The following CPT1C variants were observed in gnomAD, a reference collection of about 807,000 sequenced individuals.
CPT1C encodes the protein carnitine palmitoyltransferase 1C.
Under a neutral mutation model 97.3 loss-of-function variants are expected in CPT1C, and 61 were observed. The observed-to-expected ratio is 0.63, with a 90% CI of 0.51 to 0.78. The LOEUF (loss-of-function observed/expected upper bound fraction) is 0.78. Ranked by LOEUF, CPT1C falls within the 30% of genes least tolerant of loss-of-function variation. The pLI is 0.00. For synonymous variants in CPT1C, 469 were observed against 447.2 expected, an observed-to-expected ratio of 1.05 and a Z score of -0.61; for missense variants, 975 against 1,065.5, an observed-to-expected ratio of 0.92 and a Z score of 1.18.
intron 3 of CPT1C, 105 bp downstream of exon 3, chr19:49,692,498 T>A: frequency 7.2e-7 from 1 of 1,386,120 alleles, no homozygotes; most frequent in Non-Finnish European, 9.8e-7. Flanking sequence ...TCTGGGAGAC[T>A]ATCACCCCTT....
intron 10 of CPT1C, 79 bp from the exon 11 acceptor site, chr19:49,705,830 A>C (rs985509104): frequency 4.1e-5 from 54 of 1,312,064 alleles, no homozygotes; most frequent in Non-Finnish European, 4.7e-5. Flanking sequence ...GACGACACCT[A>C]AGAAGTATAT....
At chr19:49,695,459 A>G (rs935137969) in intron 3 of CPT1C, among the ~76,000 whole-genome samples, 3 of 150,294 alleles carry the variant, frequency 2.0e-5, no homozygotes, top group African/African-American at 7.3e-5. Flanking sequence ...AATTTTTTGT[A>G]TTTTTAGTAT....
rs747820587 is a variant in CPT1C at position 49,713,410 on chromosome 19, C to T, written c.2227-10C>T. The T allele has an allele frequency of 1.9e-6, 3 of 1,606,628 alleles. No individual in the cohort carries two copies. In the South Asian group the frequency reaches 3.3e-5, roughly 18 times the overall value. Reference sequence around the variant, plus strand: ...CAGCTTCCCCTGGCTCTGACCTGTTCTCCTTCCAGGATTCCCACAGGCTGG... The same window carrying T: ...CAGCTTCCCCTGGCTCTGACCTGTTTTCCTTCCAGGATTCCCACAGGCTGG... On this transcript the variant is annotated splice_polypyrimidine_tract_variant and intron_variant, in intron 19 of 19. Transcript: ENST00000598293.
In CPT1C at chr19:49,706,732, G is replaced by C. The variant is rs1440002859; in HGVS notation, c.1343+319G>C. Among the ~76,000 whole-genome samples, 1 of 151,892 alleles carries C rather than the reference G, an allele frequency of 6.6e-6. No homozygotes were observed. Among genetic ancestry groups the C allele is most frequent in the Admixed American group, 6.6e-5 (1 of 15,228 alleles). On this transcript the variant is annotated intron_variant, in intron 12 of 19. Transcript: ENST00000598293. This position sits in a 1 kb window ranked among gnomAD's most constrained non-coding sequence, Gnocchi z 4.8. The stretch of plus-strand genomic sequence containing the variant: ...CAGACCCAGAGACCCCAGATCTGAG[G>C]ACCACCAAACCCAGGACCCCTAGGC...
Position 49,704,801 on chromosome 19 carries a change from G to A in CPT1C, c.771+14G>A. 1 of 1,613,194 alleles carries A rather than the reference G, an allele frequency of 6.2e-7. No homozygotes were observed. Among genetic ancestry groups the A allele is most frequent in the South Asian group, 1.1e-5 (1 of 91,056 alleles). On this transcript the variant is annotated intron_variant, in intron 8 of 19. Coordinates refer to ENST00000598293, the MANE Select transcript of CPT1C (RefSeq NM_001199753.2). ...TATTACATGATGGTGAGAAGGGGAG[G>A]GGTGAGGTTCATAGGCCCCAGGTCT...
chr19:49,697,673 A>T (rs1387266146), intron 4 of CPT1C: 17 of 514,472 alleles, frequency 3.3e-5, no homozygotes, highest in Non-Finnish European at 4.7e-5. Flanking sequence ...GGGCATTGGG[A>T]GGCTGAGGTG....
Position 49,713,012 on chromosome 19 carries a change from G to A in CPT1C, c.2174G>A (p.Gly725Glu). 6.2e-7 allele frequency: 1 copy of A among 1,614,064 alleles called. No individual in the cohort carries two copies. Among genetic ancestry groups the A allele is most frequent in the Non-Finnish European group, 8.5e-7 (1 of 1,180,000 alleles). The change falls in exon 19 of 20, where the codon GGG (glycine) becomes GAG (glutamate). Residue 725 changes from glycine (G) to glutamate (E), a missense_variant. Around this residue, in one of 3 missense-constraint regions of CPT1C, gnomAD observed 344 missense variants for 395.7 expected, o/e 0.87. Coordinates refer to ENST00000598293, the MANE Select transcript of CPT1C (RefSeq NM_001199753.2). ...TATGGTGTTTCTTATATCTTCATGGGGGATGGCATGATCACCTTCCACATC... is the reference window on the plus strand; with the variant it reads ...TATGGTGTTTCTTATATCTTCATGGAGGATGGCATGATCACCTTCCACATC... ...HGYGVSYIFM[G>E]DGMITFHISS... is the part of the protein sequence containing the mutation.
rs1295704613 is a variant in CPT1C, at chr19:49,710,749, T to C, written c.1758T>C (p.Tyr586=). 7 of 1,613,718 alleles carry C rather than the reference T, an allele frequency of 4.3e-6. No individual in the cohort carries two copies. The Admixed American group carries it at 1.0e-4, about 23-fold the overall frequency. The part of the protein sequence containing the change: ...FRDRGQFCLT[Y]ESAMTRLFLE... ...ACAGGGGTCAATTCTGCCTGACTTATGAGTCGGCCATGACTCGCTTATTCC... is the reference window on the plus strand; with the variant it reads ...ACAGGGGTCAATTCTGCCTGACTTACGAGTCGGCCATGACTCGCTTATTCC... Residue 586 remains tyrosine, a synonymous_variant, in exon 16 of 20, where the codon TAT becomes TAC. Transcript: ENST00000598293.
At position 49,701,342 on chromosome 19, in the gene CPT1C, G is replaced by A. The variant is rs985245973; in HGVS notation, c.479G>A (p.Arg160His). 1.9e-6 allele frequency: 3 copies of A among 1,613,132 alleles called. No individual in the cohort carries two copies. Among genetic ancestry groups the A allele is most frequent in the Non-Finnish European group, 2.5e-6 (3 of 1,179,832 alleles). ...GCCCTGGTCCGCATCTTCTCTGGCC[G>A]CCACCCGATGCTGTTCAGTTACCAG... The part of the protein sequence containing the change: ...WLALVRIFSG[R>H]HPMLFSYQRS... Residue 160 changes from arginine to histidine, a missense_variant, in exon 6 of 20, where the codon CGC (arginine) becomes CAC (histidine). By Grantham distance (29) the Arg-to-His change is conservative. Transcript: ENST00000598293.
At chr19:49,705,167 G>A in intron 9 of CPT1C, 47 bp from the exon 10 acceptor site, 1 of 1,613,658 alleles carries the variant, frequency 6.2e-7, no homozygotes, top group African/African-American at 1.3e-5. Context: ...TGGCCTTTGG[G>A]CCACGTGGGT....
Position 49,701,994 on chromosome 19 carries a change from T to TTATAA in CPT1C, c.693+360_693+361insTATAA, listed in dbSNP as rs1568520700. On this transcript the variant is annotated intron_variant, in intron 7 of 19. Transcript: ENST00000598293. The stretch of plus-strand genomic sequence containing the variant: ...AATTTATAAATAAATATATAAATAT[T>TTATAA]ATAAATATATTAAATATATTTATTT... Among the ~76,000 whole-genome samples the TTATAA allele has an allele frequency of 1.1e-3, 43 of 37,536 alleles. 12 individuals are homozygous for TTATAA. The highest frequency in any genetic ancestry group is 3.2e-3 in the African/African-American group (43 of 13,444). The allele number at this position is 37,536 out of a possible 152,430, so 24.6% of individuals were successfully genotyped here. A position where few individuals can be genotyped will look rare whatever the true frequency, so the allele number is the denominator to read the frequency against.
chr19:49,706,040 C>A lies in CPT1C; in HGVS notation c.1096C>A (p.Leu366Met), dbSNP rs1392885378. ...RALEQQFQRI[L>M]DDPSPACPHE... ...CCTGGAGCAGCAGTTTCAGAGAATCCTGGATGATCCCTCACCGGCCTGCCC... is the reference window on the plus strand; with the variant it reads ...CCTGGAGCAGCAGTTTCAGAGAATCATGGATGATCCCTCACCGGCCTGCCC... Residue 366 changes from leucine to methionine, a missense_variant, in exon 11 of 20, where the codon CTG (leucine) becomes ATG (methionine). This residue lies in a region of CPT1C where 596 missense variants were observed against 603.1 expected (regional missense o/e 0.99). Coordinates refer to ENST00000598293, the MANE Select transcript of CPT1C (RefSeq NM_001199753.2). The surrounding 1 kb of genome is among the most constrained non-coding windows in gnomAD (Gnocchi z 4.8). The A allele has an allele frequency of 1.2e-6, 2 of 1,613,852 alleles. No homozygotes were observed. Among genetic ancestry groups the A allele is most frequent in the African/African-American group, 1.3e-5 (1 of 74,874 alleles).
chr19:49,709,555 A>ATTTTT (rs546388616), intron 14 of CPT1C, among the ~76,000 whole-genome samples: 2 of 122,112 alleles, frequency 1.6e-5, no homozygotes, highest in Non-Finnish European at 1.8e-5. Flanking sequence ...CCCTATCCCC[A>ATTTTT]TTTTTTTTTT....
intron 7 of CPT1C, 136 bp from the exon 8 acceptor site, chr19:49,704,574 A>C (rs1333352671): frequency 1.9e-5 from 13 of 668,158 alleles, no homozygotes; most frequent in Non-Finnish European, 3.0e-5. Flanking sequence ...ATCGCTAGTT[A>C]CTGACTACGA....
chr19:49,691,979 G>A, intron 2 of CPT1C, 90 bp downstream of exon 2: 1 of 450,088 alleles, frequency 2.2e-6, no homozygotes, highest in Admixed American at 3.7e-5. Flanking sequence ...TGAGGGAGGA[G>A]GGGCTGGGGC....
rs759483036 is a variant in CPT1C at position 49,712,857 on chromosome 19, G to A, written c.2133+8G>A. The A allele has an allele frequency of 1.5e-5, 22 of 1,459,362 alleles. No individual in the cohort carries two copies. The highest frequency in any genetic ancestry group is 2.0e-5 in the Non-Finnish European group (22 of 1,109,700). 90.4% of individuals were successfully genotyped at this position (1,459,362 alleles called of 1,614,324 possible). A position where few individuals can be genotyped will look rare whatever the true frequency, so the allele number is the denominator to read the frequency against. On this transcript the variant is annotated splice_region_variant and intron_variant, in intron 18 of 19. Transcript: ENST00000598293. ...GGCGGTGGATTCGGGCCTGTGAGTG[G>A]AGCTGGGCGCGCTGGCCCCCAGAGG... is the stretch of plus-strand genomic sequence containing the variant.
At chr19:49,702,098 AATTATAAAT>A (rs2083182839) in intron 7 of CPT1C, among the ~76,000 whole-genome samples, 1 of 106,100 alleles carries the variant, frequency 9.4e-6, no homozygotes, top group African/African-American at 3.7e-5. Flanking sequence ...TTTATTTATA[AATTATAAAT>A]ATATATTTAT....
At chr19:49,692,871 G>C (rs1239128755) in intron 3 of CPT1C, among the ~76,000 whole-genome samples, 1 of 151,858 alleles carries the variant, frequency 6.6e-6, no homozygotes, top group African/African-American at 2.4e-5. Context: ...GATTATTGGC[G>C]CACGCCACCA....
In CPT1C at chr19:49,692,238, G is replaced by A. The variant is rs1202464103; in HGVS notation, c.-14-1G>A. ...CTGAAGTATGACTCTGCCCGACTCA[G>A]GGCTCCAGCGTGACATGGCTGAAGC... On this transcript the variant is annotated splice_acceptor_variant, in intron 2 of 19. Coordinates refer to ENST00000598293, the MANE Select transcript of CPT1C (RefSeq NM_001199753.2). LOFTEE classifies it low-confidence loss of function (5UTR_SPLICE). 1 of 1,612,890 alleles carries A rather than the reference G, an allele frequency of 6.2e-7. No homozygotes were observed. Among genetic ancestry groups the A allele is most frequent in the Non-Finnish European group, 8.5e-7 (1 of 1,179,936 alleles).
Sources: allele counts gnomAD v4.1 joint callset (sites outside exome capture counted in the v4.1 genomes callset), GRCh38; gene constraint gnomAD v4.1.1; regional missense constraint gnomAD v4.1.1; non-coding constraint Gnocchi (gnomAD v3.1); transcripts MANE v1.5; gene names NCBI Gene and HGNC (gene_info 2026-07-23, HGNC 2026-07-21).